Variants in TGM2 observed in about 807,000 individuals in gnomAD.
TGM2 encodes transglutaminase 2, also known as protein-glutamine gamma-glutamyltransferase 2.
In TGM2, 53 loss-of-function variants were observed where a neutral mutation model predicts 75.6. That is an observed-to-expected ratio of 0.70 (90% confidence interval 0.56 to 0.88). The LOEUF is 0.88. Ranked by LOEUF, TGM2 falls within the 40% of genes least tolerant of loss-of-function variation. The pLI is 0.00. For missense variants in TGM2, 842 were observed against 928.5 expected, an observed-to-expected ratio of 0.91 and a Z score of 1.21; for synonymous variants, 374 against 381.1, an observed-to-expected ratio of 0.98 and a Z score of 0.22.
intron 10 of TGM2, among the ~76,000 whole-genome samples, chr20:38,134,578 C>G (rs747849914): frequency 2.2e-4 from 33 of 152,188 alleles, no homozygotes; most frequent in Admixed American, 2.0e-4. Context: ...AAGAGGAAAC[C>G]TGTATGGTCA....
upstream of TGM2, among the ~76,000 whole-genome samples, chr20:38,167,421 C>T (rs1476800059): frequency 6.6e-6 from 1 of 152,204 alleles, no homozygotes; most frequent in Non-Finnish European, 1.5e-5. Context: ...ACTGCAGCCT[C>T]CATCCCTCGG....
At position 38,132,488 on chromosome 20, in the gene TGM2, G is replaced by A. The variant is rs2122849629; in HGVS notation, c.1628C>T (p.Pro543Leu). 1.9e-6 allele frequency: 3 copies of A among 1,614,142 alleles called. No homozygotes were observed. Among genetic ancestry groups the A allele is most frequent in the East Asian group, 4.5e-5 (2 of 44,868 alleles). The change falls in exon 11 of 13, where the codon CCT becomes CTT. Residue 543 changes from proline (P) to leucine (L), a missense_variant. Physicochemically the swap from Pro to Leu is moderately conservative, Grantham distance 98. Coordinates refer to ENST00000361475, the MANE Select transcript of TGM2 (RefSeq NM_004613.4). ...NLEPFSEKSV[P>L]LCILYEKYRD... ...GTATTTCTCATAGAGGATGCAAAGA[G>A]GAACGCTCTTCTCTGCAGAAGGGGA... is the stretch of plus-strand genomic sequence containing the variant.
chr20:38,159,321 C>T (rs753567360), intron 2 of TGM2, among the ~76,000 whole-genome samples: 7 of 151,984 alleles, frequency 4.6e-5, no homozygotes, highest in Admixed American at 1.3e-4. Flanking sequence ...AACATATGGA[C>T]GCATAGAGGG....
chr20:38,151,820 C>T (rs941132233), intron 3 of TGM2, among the ~76,000 whole-genome samples: 1 of 152,158 alleles, frequency 6.6e-6, no homozygotes, highest in African/African-American at 2.4e-5. Context: ...AAGCACAAAG[C>T]TTTGGCTGCT....
At chr20:38,161,630 CG>C in intron 1 of TGM2, 31 bp from the exon 2 acceptor site, 1 of 1,613,844 alleles carries the variant, frequency 6.2e-7, no homozygotes, top group Non-Finnish European at 8.5e-7. Flanking sequence ...GCATGAGCCT[CG>C]GGGGCATCCT....
At chr20:38,137,811 A>G in intron 10 of TGM2, 1 of 442,038 alleles carries the variant, frequency 2.3e-6, no homozygotes, top group Non-Finnish European at 4.0e-6. Context: ...GAAACCAAAC[A>G]GTATAGCTGC....
intron 2 of TGM2, among the ~76,000 whole-genome samples, chr20:38,160,354 C>G (rs1450095781): frequency 1.3e-5 from 2 of 152,186 alleles, no homozygotes; most frequent in African/African-American, 2.4e-5. Flanking sequence ...CAGGAATGGC[C>G]AACAAAGAAA....
chr20:38,165,334 C>T (rs949470708), upstream of TGM2: 10 of 1,354,782 alleles, frequency 7.4e-6, no homozygotes, highest in East Asian at 2.2e-4. Flanking sequence ...CGGGGCCCCG[C>T]GGGAAGGCGG....
At chr20:38,146,669 C>G (rs773814226) in intron 6 of TGM2, 48 bp downstream of exon 6, 1 of 1,608,568 alleles carries the variant, frequency 6.2e-7, no homozygotes, top group Non-Finnish European at 8.5e-7. Context: ...CAGTGCTCTT[C>G]GTGCCCCCTC....
At position 38,142,074 on chromosome 20, in the gene TGM2, C is replaced by T. The variant is rs755248877; in HGVS notation, c.985G>A (p.Glu329Lys). The T allele has an allele frequency of 1.1e-5, 18 of 1,614,070 alleles. No homozygotes were observed. The highest frequency in any genetic ancestry group is 3.3e-5 in the Admixed American group (2 of 60,008). The change falls in exon 7 of 13, where the codon GAG becomes AAG. Residue 329 changes from glutamate to lysine, a missense_variant. Coordinates refer to ENST00000361475, the MANE Select transcript of TGM2 (RefSeq NM_004613.4). ...EFGEIQGDKSEMIWNFHCWVE... is the reference protein window; with the variant it reads ...EFGEIQGDKSKMIWNFHCWVE... ...TGGCCCCCACCTCACCAGATCATCT[C>T]GCTCTTGTCACCCTGGATCTCCCCA...
chr20:38,164,197 G>A (rs2075286215), intron 1 of TGM2, among the ~76,000 whole-genome samples: 1 of 152,200 alleles, frequency 6.6e-6, no homozygotes, highest in Admixed American at 6.5e-5. Flanking sequence ...GGGCCCGAGG[G>A]AGGCAGGTGG....
At chr20:38,156,996 G>A (rs1458106511) in intron 2 of TGM2, among the ~76,000 whole-genome samples, 1 of 152,226 alleles carries the variant, frequency 6.6e-6, no homozygotes, top group Non-Finnish European at 1.5e-5. Context: ...CAGGTGGAGG[G>A]GAGGGCCCGC....
intron 2 of TGM2, among the ~76,000 whole-genome samples, chr20:38,157,540 C>A (rs1223209505): frequency 1.3e-5 from 2 of 152,266 alleles, no homozygotes; most frequent in African/African-American, 2.4e-5. Context: ...AGAGTCCAAT[C>A]TCAGGTTCGA....
chr20:38,137,957 G>A, intron 10 of TGM2, 156 bp downstream of exon 10: 1 of 1,435,784 alleles, frequency 7.0e-7, no homozygotes, highest in Non-Finnish European at 9.2e-7. Flanking sequence ...AATTAAGTGG[G>A]TTGATATTTA....
At chr20:38,159,105 G>A (rs1411247158) in intron 2 of TGM2, among the ~76,000 whole-genome samples, 1 of 152,156 alleles carries the variant, frequency 6.6e-6, no homozygotes, top group Non-Finnish European at 1.5e-5. Flanking sequence ...GGGAAGGTCA[G>A]CAGCAGCCCT....
At chr20:38,143,598 G>T (rs967517358) in intron 6 of TGM2, among the ~76,000 whole-genome samples, 1 of 152,148 alleles carries the variant, frequency 6.6e-6, no homozygotes, top group Admixed American at 6.5e-5. Context: ...GGAAAATCCC[G>T]GTGTGGATCT....
At chr20:38,165,366 G>T, upstream of TGM2, 2 of 939,990 alleles carry the variant, frequency 2.1e-6, no homozygotes, top group Non-Finnish European at 3.2e-6. Flanking sequence ...GCCACCCATT[G>T]CCCAGTCCCG....
chr20:38,147,583 A>G (rs1374481790), intron 5 of TGM2, among the ~76,000 whole-genome samples: 1 of 151,904 alleles, frequency 6.6e-6, no homozygotes, highest in Admixed American at 6.6e-5. Context: ...TTTATGAACC[A>G]TGTGAACTGC....
chr20:38,159,522 A>AAAAG (rs147642217), intron 2 of TGM2, among the ~76,000 whole-genome samples: 18 of 151,306 alleles, frequency 1.2e-4, no homozygotes, highest in South Asian at 4.2e-4. Flanking sequence ...AAAGTTTTAA[A>AAAAG]AAAGAAAGAA....
Sources: gnomAD v4.1 joint callset for allele counts (sites outside exome capture counted in the v4.1 genomes callset) on GRCh38, gnomAD v4.1.1 for gene constraint, MANE v1.5 for transcripts, NCBI Gene and HGNC (gene_info 2026-07-23, HGNC 2026-07-21) for gene names.